PRH1: variants seen among roughly 807,000 people sequenced by gnomAD.
PRH1 encodes the protein salivary acidic proline-rich phosphoprotein 1/2.
A neutral mutation model predicts 7.9 loss-of-function variants in PRH1; 7 were observed. The observed-to-expected ratio is 0.89, with a 90% CI of 0.50 to 1.67. PRH1 has a LOEUF of 1.67. Ranked by LOEUF, PRH1 falls within the 40% of genes most tolerant of loss-of-function variation. PRH1 has a pLI of 0.00. For synonymous variants in PRH1, 45 were observed against 80.8 expected (o/e 0.56, Z 2.38); for missense variants, 109 against 223.6 (o/e 0.49, Z 3.27).
chr12:11,147,017 C>A (rs1379043274), intron 1 of PRH1, among the ~76,000 whole-genome samples: 3 of 152,018 alleles, frequency 2.0e-5, no homozygotes, highest in African/African-American at 4.8e-5. Context: ...CTTCTTTTTC[C>A]AAGTTTTCTT....
chr12:10,928,363 G>A (rs534144224), intron 2 of PRH1, among the ~76,000 whole-genome samples: 11 of 152,168 alleles, frequency 7.2e-5, no homozygotes, highest in Non-Finnish European at 1.3e-4. Flanking sequence ...TGAAGACTAC[G>A]GTATTTGTTA....
intron 1 of PRH1, among the ~76,000 whole-genome samples, chr12:10,975,855 T>G (rs531485764): frequency 4.2e-4 from 64 of 152,122 alleles, no homozygotes; most frequent in Non-Finnish European, 8.2e-4. Context: ...AAAGACTCAA[T>G]TCACGAGAAG....
intron 2 of PRH1, among the ~76,000 whole-genome samples, chr12:10,933,679 G>C (rs953213898): frequency 6.6e-6 from 1 of 151,966 alleles, no homozygotes; most frequent in Admixed American, 6.6e-5. Context: ...AACAATTCTT[G>C]TAAAATACTT....
chr12:11,035,942 G>A (rs1591857628), intron 1 of PRH1, among the ~76,000 whole-genome samples: 1 of 152,188 alleles, frequency 6.6e-6, no homozygotes, highest in East Asian at 1.9e-4. Flanking sequence ...CTCCCAGGCT[G>A]GAGTGCAGTG....
intron 2 of PRH1, among the ~76,000 whole-genome samples, chr12:10,959,141 TGAAA>T: frequency 6.6e-6 from 1 of 152,246 alleles, no homozygotes; most frequent in African/African-American, 2.4e-5. Context: ...AGATAGGTTC[TGAAA>T]GAGAGAAAAT....
At chr12:11,009,532 A>G (rs11054156) in intron 1 of PRH1, among the ~76,000 whole-genome samples, 45,972 of 151,508 alleles carry the variant, frequency 0.3, 8,784 homozygotes, top group East Asian at 0.73. Flanking sequence ...TATTCTGACC[A>G]TAGCGTCAGT....
At chr12:11,102,490 T>C (rs1328685376) in intron 1 of PRH1, among the ~76,000 whole-genome samples, 2 of 152,182 alleles carry the variant, frequency 1.3e-5, no homozygotes, top group Admixed American at 6.5e-5. Context: ...GCTAGCCATA[T>C]GTAGAAAGCT....
At chr12:11,080,989 A>G (rs113078340) in intron 1 of PRH1, among the ~76,000 whole-genome samples, 11,046 of 63,874 alleles carry the variant, frequency 0.17, 1,228 homozygotes, top group Middle Eastern at 0.29. Flanking sequence ...TGTTAATTTG[A>G]TTTAAGTCAT....
intron 1 of PRH1, among the ~76,000 whole-genome samples, chr12:11,145,578 T>C (rs998373036): frequency 1.1e-4 from 16 of 152,162 alleles, no homozygotes; most frequent in African/African-American, 3.6e-4. Context: ...CTGAAAATGT[T>C]AGAATTAAAA....
chr12:10,965,786 C>T (rs749274079), intron 2 of PRH1, among the ~76,000 whole-genome samples: 1 of 152,204 alleles, frequency 6.6e-6, no homozygotes. Flanking sequence ...ATATTTCACA[C>T]AGTAAATGCC....
intron 1 of PRH1, among the ~76,000 whole-genome samples, chr12:11,064,001 A>G (rs1300584081): frequency 1.3e-5 from 2 of 152,098 alleles, no homozygotes; most frequent in Non-Finnish European, 2.9e-5. Flanking sequence ...TTAGAAATGA[A>G]CCAAAACAAA....
intron 1 of PRH1, 95 bp from the exon 2 acceptor site, chr12:10,883,191 CT>C: frequency 1.5e-6 from 2 of 1,367,126 alleles, no homozygotes; most frequent in South Asian, 2.4e-5. Flanking sequence ...TGATCACACC[CT>C]GTGCATCCCC....
intron 1 of PRH1, among the ~76,000 whole-genome samples, chr12:11,144,598 G>A (rs1444773705): frequency 6.6e-6 from 1 of 152,228 alleles, no homozygotes; most frequent in African/African-American, 2.4e-5. Flanking sequence ...CCTCCCCCGA[G>A]TTCTGGCCAG....
chr12:10,965,075 T>C, intron 2 of PRH1: 3 of 1,174,146 alleles, frequency 2.6e-6, no homozygotes, highest in South Asian at 1.2e-5. Context: ...GATGCTGAAA[T>C]GGTTGGTTAC....
intron 2 of PRH1, among the ~76,000 whole-genome samples, chr12:10,958,742 T>C (rs1938096840): frequency 6.6e-6 from 1 of 152,128 alleles, no homozygotes; most frequent in Non-Finnish European, 1.5e-5. Context: ...GCTTGGCATA[T>C]TCAAGAAGTG....
chr12:11,016,443 C>T (rs1192655918), intron 1 of PRH1, among the ~76,000 whole-genome samples: 1 of 152,206 alleles, frequency 6.6e-6, no homozygotes, highest in East Asian at 1.9e-4. Context: ...TCTCATCTTT[C>T]TGGGTAACTG....
At chr12:11,013,594 T>C (rs1296966967) in intron 1 of PRH1, among the ~76,000 whole-genome samples, 1 of 152,174 alleles carries the variant, frequency 6.6e-6, no homozygotes, top group Non-Finnish European at 1.5e-5. Context: ...TAGATCATTA[T>C]GTCTATAATA....
intron 1 of PRH1, among the ~76,000 whole-genome samples, chr12:11,083,979 C>CCATA (rs1272527008): frequency 0.047 from 3,114 of 66,108 alleles, 167 homozygotes; most frequent in Middle Eastern, 0.071. Flanking sequence ...TTCTGGCCAA[C>CCATA]AGTTGCAAAT....
chr12:10,912,485 T>A (rs1293309691), intron 2 of PRH1, among the ~76,000 whole-genome samples: 9 of 152,154 alleles, frequency 5.9e-5, no homozygotes, highest in Non-Finnish European at 1.0e-4. Flanking sequence ...TCATGATTTA[T>A]CTTACCAGAA....
Sources: allele counts gnomAD v4.1 joint callset (sites outside exome capture counted in the v4.1 genomes callset), GRCh38; gene constraint gnomAD v4.1.1; transcripts MANE v1.5; gene names NCBI Gene and HGNC (gene_info 2026-07-23, HGNC 2026-07-21).